Variants in BRINP3 observed in about 807,000 individuals in gnomAD.
BRINP3 encodes the protein BMP/retinoic acid inducible neural specific 3.
BRINP3 carries 19 observed loss-of-function variants against 71.0 expected under a neutral mutation model. That is an observed-to-expected ratio of 0.27 (90% confidence interval 0.19 to 0.39). The LOEUF (loss-of-function observed/expected upper bound fraction) is 0.39. Ranked by LOEUF, BRINP3 falls within the 10% of genes least tolerant of loss-of-function variation. The probability of loss-of-function intolerance (pLI) is 1.00; values close to 1 mark genes in which losing one functional copy is unlikely to be tolerated. For synonymous variants in BRINP3, 380 were observed against 337.7 expected (o/e 1.13, Z -1.37); for missense variants, 959 against 940.8 (o/e 1.02, Z -0.25).
chr1:190,204,218 C>G (rs557504276), intron 6 of BRINP3, among the ~76,000 whole-genome samples: 25 of 151,938 alleles, frequency 1.6e-4, no homozygotes, highest in African/African-American at 5.8e-4. Flanking sequence ...AAGACCTGAG[C>G]TGATTTTCAT....
intron 4 of BRINP3, among the ~76,000 whole-genome samples, chr1:190,253,262 T>C (rs1660319077): frequency 6.6e-6 from 1 of 152,178 alleles, no homozygotes; most frequent in Admixed American, 6.5e-5. Context: ...TATATTAGCA[T>C]GATTTAAAAT....
chr1:190,292,625 C>T (rs565579708), intron 2 of BRINP3, among the ~76,000 whole-genome samples: 26 of 152,146 alleles, frequency 1.7e-4, no homozygotes, highest in African/African-American at 6.3e-4. Flanking sequence ...TGCACCTCAG[C>T]CTGGGTGACA....
At chr1:190,245,760 A>G (rs1053285429) in intron 4 of BRINP3, among the ~76,000 whole-genome samples, 6 of 62,414 alleles carry the variant, frequency 9.6e-5, no homozygotes, top group African/African-American at 3.3e-4. Flanking sequence ...CCCTCCCCCC[A>G]CCCCACAACA....
At chr1:190,373,303 T>C (rs1414260342) in intron 2 of BRINP3, among the ~76,000 whole-genome samples, 1 of 151,720 alleles carries the variant, frequency 6.6e-6, no homozygotes, top group African/African-American at 2.4e-5. Flanking sequence ...GGCAGGAGAA[T>C]CTCTTGAACC....
chr1:190,321,344 A>C (rs1212406858), intron 2 of BRINP3, among the ~76,000 whole-genome samples: 1 of 152,132 alleles, frequency 6.6e-6, no homozygotes, highest in Non-Finnish European at 1.5e-5. Context: ...ATACCTCCTA[A>C]AGTACCATTC....
At chr1:190,449,766 G>C (rs1423927309) in intron 2 of BRINP3, among the ~76,000 whole-genome samples, 2 of 152,038 alleles carry the variant, frequency 1.3e-5, no homozygotes, top group African/African-American at 4.8e-5. Context: ...AGCTGAGGCG[G>C]AATTTACTCT....
intron 3 of BRINP3, among the ~76,000 whole-genome samples, chr1:190,270,343 A>C (rs1661997974): frequency 6.6e-6 from 1 of 151,236 alleles, no homozygotes; most frequent in Non-Finnish European, 1.5e-5. Flanking sequence ...TTTATTATTT[A>C]TTTATAAAAA....
intron 7 of BRINP3, among the ~76,000 whole-genome samples, 168 bp from the exon 8 acceptor site, chr1:190,099,302 A>T (rs1651484263): frequency 2.7e-5 from 1 of 37,438 alleles, no homozygotes; most frequent in Non-Finnish European, 6.4e-5. Context: ...TATAATACAC[A>T]CACACACACA....
chr1:190,106,820 A>T (rs1197717847), intron 7 of BRINP3, among the ~76,000 whole-genome samples: 2 of 151,768 alleles, frequency 1.3e-5, no homozygotes, highest in East Asian at 3.9e-4. Context: ...TTCATGACCA[A>T]TTTCCCATTA....
At chr1:190,179,884 G>C (rs992615355) in intron 6 of BRINP3, among the ~76,000 whole-genome samples, 4 of 152,058 alleles carry the variant, frequency 2.6e-5, no homozygotes, top group African/African-American at 7.2e-5. Flanking sequence ...GCAACCATCT[G>C]ACCTTAAAGA....
Position 190,159,277 on chromosome 1 carries a change from A to T in BRINP3, c.1184+1391T>A, listed in dbSNP as rs141084031. ...TGTCATTTGTGACTGGTGAAAATAT[A>T]AAATGGTGCAGCCACTGTGAAAAAC... On this transcript the variant is annotated intron_variant, in intron 7 of 7. Transcript: ENST00000367462. 3.3e-4 allele frequency among the ~76,000 whole-genome samples: 50 copies of T among 152,224 alleles called. No homozygotes were observed. In the East Asian group the frequency reaches 9.5e-3, roughly 29 times the overall value.
intron 2 of BRINP3, among the ~76,000 whole-genome samples, chr1:190,284,472 G>C (rs1376161367): frequency 6.6e-6 from 1 of 151,906 alleles, no homozygotes; most frequent in Non-Finnish European, 1.5e-5. Context: ...AAAGGCTTTA[G>C]AGTATTTTTC....
chr1:190,472,059 C>CA (rs1315983113), intron 1 of BRINP3, among the ~76,000 whole-genome samples: 1 of 151,512 alleles, frequency 6.6e-6, no homozygotes, highest in Non-Finnish European at 1.5e-5. Context: ...ACAAGTTTAT[C>CA]AAAAATGTCT....
At chr1:190,411,503 T>C (rs1672661204) in intron 2 of BRINP3, among the ~76,000 whole-genome samples, 1 of 152,196 alleles carries the variant, frequency 6.6e-6, no homozygotes, top group South Asian at 2.1e-4. Flanking sequence ...CTGTAAACTT[T>C]GTGTGAACAG....
At chr1:190,331,222 A>G (rs1666942022) in intron 2 of BRINP3, among the ~76,000 whole-genome samples, 1 of 152,050 alleles carries the variant, frequency 6.6e-6, no homozygotes, top group African/African-American at 2.4e-5. Flanking sequence ...TTTTGAAAAA[A>G]TAAAATAAAA....
chr1:190,314,190 T>A (rs1042343354), intron 2 of BRINP3, among the ~76,000 whole-genome samples: 4 of 152,094 alleles, frequency 2.6e-5, no homozygotes, highest in Non-Finnish European at 4.4e-5. Flanking sequence ...ATTGTAATTT[T>A]TTAATGGAGA....
At chr1:190,391,053 A>G (rs969621971) in intron 2 of BRINP3, among the ~76,000 whole-genome samples, 1 of 151,696 alleles carries the variant, frequency 6.6e-6, no homozygotes, top group Non-Finnish European at 1.5e-5. Flanking sequence ...GGATTCAGGG[A>G]CCCCCTCCTT....
At chr1:190,385,689 T>C (rs1473491217) in intron 2 of BRINP3, among the ~76,000 whole-genome samples, 1 of 152,078 alleles carries the variant, frequency 6.6e-6, no homozygotes, top group Non-Finnish European at 1.5e-5. Flanking sequence ...CTCAGGGATC[T>C]AGAACTAGAA....
intron 2 of BRINP3, among the ~76,000 whole-genome samples, chr1:190,435,261 C>T (rs1674380614): frequency 1.3e-5 from 2 of 152,036 alleles, no homozygotes; most frequent in African/African-American, 4.8e-5. Context: ...AGACTACCAG[C>T]CAGAATGTGT....
Sources: gnomAD v4.1 joint callset for allele counts (sites outside exome capture counted in the v4.1 genomes callset) on GRCh38, gnomAD v4.1.1 for gene constraint, MANE v1.5 for transcripts, NCBI Gene and HGNC (gene_info 2026-07-23, HGNC 2026-07-21) for gene names.